The following ALDH7A1 variants were observed in gnomAD, a reference collection of about 807,000 sequenced individuals.
ALDH7A1 encodes the protein alpha-aminoadipic semialdehyde dehydrogenase.
Under a neutral mutation model 79.9 loss-of-function variants are expected in ALDH7A1, and 63 were observed. The observed-to-expected ratio is 0.79, with a 90% CI of 0.64 to 0.97. The LOEUF (loss-of-function observed/expected upper bound fraction) is 0.97. Ranked by LOEUF, ALDH7A1 falls within the 50% of genes least tolerant of loss-of-function variation. ALDH7A1 has a pLI of 0.00. For missense variants in ALDH7A1, 627 were observed against 665.2 expected (o/e 0.94, Z 0.63); for synonymous variants, 240 against 231.2 (o/e 1.04, Z -0.34).
chr5:126,585,283 AGT>A (rs1361879206), intron 3 of ALDH7A1, among the ~76,000 whole-genome samples: 1 of 152,124 alleles, frequency 6.6e-6, no homozygotes, highest in Admixed American at 6.6e-5. Flanking sequence ...GGATGACAAG[AGT>A]GAAATTCTGT....
chr5:126,545,384 C>G (rs945233099), intron 17 of ALDH7A1, among the ~76,000 whole-genome samples: 1 of 151,938 alleles, frequency 6.6e-6, no homozygotes, highest in African/African-American at 2.4e-5. Context: ...AAGCGATTCT[C>G]CTGCCTCAGC....
chr5:126,551,496 G>A (rs774842067), intron 14 of ALDH7A1, among the ~76,000 whole-genome samples: 21 of 151,674 alleles, frequency 1.4e-4, no homozygotes, highest in Non-Finnish European at 2.5e-4. Flanking sequence ...TAATTTTTTT[G>A]TTTTTTAGTA....
intron 11 of ALDH7A1, among the ~76,000 whole-genome samples, chr5:126,556,859 G>C (rs555670835): frequency 1.8e-4 from 27 of 152,286 alleles, no homozygotes; most frequent in Non-Finnish European, 3.5e-4. Context: ...CACATGTGAT[G>C]AATGAATTGA....
At position 126,570,838 on chromosome 5, in the gene ALDH7A1, C is replaced by G; in HGVS notation, c.717G>C (p.Glu239Asp). 6.2e-7 allele frequency: 1 copy of G among 1,613,936 alleles called. No individual in the cohort carries two copies. Among genetic ancestry groups the G allele is most frequent in the South Asian group, 1.1e-5 (1 of 91,064 alleles). ...AAATTGCACCAGGCAGCTTGTTGTC[C>G]TCCAGAACCTTGGCTATTATCCTAG... The part of the protein sequence containing the change: ...AVTKIIAKVL[E>D]DNKLPGAICS... The change falls in exon 8 of 18, where the codon GAG (glutamate) becomes GAC (aspartate). Residue 239 changes from glutamate (E) to aspartate (D), a missense_variant. Coordinates refer to ENST00000409134, the MANE Select transcript of ALDH7A1 (RefSeq NM_001182.5).
chr5:126,581,419 T>A (rs1751169989), intron 5 of ALDH7A1: 1 of 149,472 alleles, frequency 6.7e-6, no homozygotes, highest in Admixed American at 6.7e-5. Flanking sequence ...GCAGATCACC[T>A]GAGCCCCGGA....
Position 126,554,413 on chromosome 5 carries a change from G to A in ALDH7A1, c.1094-20C>T, listed in dbSNP as rs113775968. 3.4e-5 allele frequency: 55 copies of A among 1,605,082 alleles called. No individual in the cohort carries two copies. The South Asian group carries it at 5.1e-4, about 15-fold the overall frequency. ...CATTAGCTGGAGAGAGAAAAGGAAG[G>A]CTGGCTCATCATTTTGCCCTTTATG... On this transcript the variant is annotated intron_variant, in intron 12 of 17. Transcript: ENST00000409134.
intron 17 of ALDH7A1, among the ~76,000 whole-genome samples, chr5:126,545,329 C>A (rs1216026895): frequency 6.6e-6 from 1 of 151,996 alleles, no homozygotes; most frequent in Non-Finnish European, 1.5e-5. Flanking sequence ...GACTGGAGTG[C>A]AATGGCACAA....
chr5:126,563,821 A>G (rs1750483034), intron 9 of ALDH7A1, among the ~76,000 whole-genome samples: 1 of 150,802 alleles, frequency 6.6e-6, no homozygotes, highest in African/African-American at 2.4e-5. Flanking sequence ...TTCTTTTTTC[A>G]AGAGTCACCC....
intron 7 of ALDH7A1, among the ~76,000 whole-genome samples, chr5:126,574,547 T>C (rs568361508): frequency 1.3e-5 from 2 of 151,162 alleles, no homozygotes; most frequent in African/African-American, 4.9e-5. Context: ...CACAAAAAAT[T>C]AGCTGGGTGT....
At chr5:126,582,669 G>A (rs1209701106) in intron 5 of ALDH7A1, 182 bp downstream of exon 5, 7 of 743,304 alleles carry the variant, frequency 9.4e-6, no homozygotes, top group African/African-American at 1.8e-5. Flanking sequence ...AAACAAAAAG[G>A]TTCTTGATCT....
At chr5:126,564,524 A>G (rs1452155578) in intron 9 of ALDH7A1, 1 of 1,247,398 alleles carries the variant, frequency 8.0e-7, no homozygotes, top group African/African-American at 1.6e-5. Flanking sequence ...CCATGTGAAT[A>G]ACTTTTATTC....
chr5:126,545,951 A>G (rs568860629), intron 17 of ALDH7A1, among the ~76,000 whole-genome samples: 1 of 152,218 alleles, frequency 6.6e-6, no homozygotes, highest in African/African-American at 2.4e-5. Context: ...AATCTCTACT[A>G]AAAATACAAA....
chr5:126,549,169 T>C (rs565197383), intron 16 of ALDH7A1, among the ~76,000 whole-genome samples: 46 of 149,528 alleles, frequency 3.1e-4, no homozygotes, highest in South Asian at 3.0e-3. Context: ...AAGGAGAAGA[T>C]AGACACTCAT....
intron 16 of ALDH7A1, among the ~76,000 whole-genome samples, chr5:126,548,877 T>C (rs1413105038): frequency 1.7e-5 from 2 of 119,406 alleles, no homozygotes; most frequent in African/African-American, 6.4e-5. Flanking sequence ...CTGGGCAACA[T>C]AGTGAGGGCC....
intron 15 of ALDH7A1, 60 bp from the exon 16 acceptor site, chr5:126,550,062 T>C: frequency 6.3e-7 from 1 of 1,585,758 alleles, no homozygotes; most frequent in East Asian, 2.2e-5. Context: ...CAAACAAAAA[T>C]AAATAAAAAA....
intron 10 of ALDH7A1, among the ~76,000 whole-genome samples, chr5:126,559,921 T>C (rs113597412): frequency 6.6e-6 from 1 of 151,840 alleles, no homozygotes; most frequent in Non-Finnish European, 1.5e-5. Context: ...GGCCTCTTCA[T>C]CTTTTATTTC....
At position 126,564,647 on chromosome 5, in the gene ALDH7A1, C is replaced by G. The variant is rs1000303609; in HGVS notation, c.872-3523G>C. 8.6e-6 allele frequency: 8 copies of G among 926,830 alleles called. No individual in the cohort carries two copies. In the Admixed American group the frequency reaches 1.7e-4, roughly 20 times the overall value. 57.4% of individuals were successfully genotyped at this position (926,830 alleles called of 1,614,324 possible). A position where few individuals can be genotyped will look rare whatever the true frequency, so the allele number is the denominator to read the frequency against. On this transcript the variant is annotated intron_variant, in intron 9 of 17. Coordinates refer to ENST00000409134, the MANE Select transcript of ALDH7A1 (RefSeq NM_001182.5). ...AATTATGAAGACATGGCTGTTACTA[C>G]CAAAAGCCACCAAATGCTACACCAA...
chr5:126,572,746 G>A (rs1352002209), intron 7 of ALDH7A1, among the ~76,000 whole-genome samples: 1 of 152,172 alleles, frequency 6.6e-6, no homozygotes, highest in Non-Finnish European at 1.5e-5. Flanking sequence ...TAGGCTTTAA[G>A]CCAAGGTAAC....
chr5:126,587,728 G>A (rs1452447690), intron 3 of ALDH7A1: 6 of 152,008 alleles, frequency 3.9e-5, no homozygotes, highest in Admixed American at 2.6e-4. Flanking sequence ...CCAAATGGAT[G>A]AGGGCCAAGC....
Sources: gnomAD v4.1 joint callset for allele counts (sites outside exome capture counted in the v4.1 genomes callset) on GRCh38, gnomAD v4.1.1 for gene constraint, MANE v1.5 for transcripts, NCBI Gene and HGNC (gene_info 2026-07-23, HGNC 2026-07-21) for gene names.